Variants in RGL3 observed in about 807,000 individuals in gnomAD.
RGL3 encodes ral guanine nucleotide dissociation stimulator-like 3.
In RGL3, 85 loss-of-function variants were observed where a neutral mutation model predicts 90.6. That is an observed-to-expected ratio of 0.94 (90% CI 0.79 to 1.12). The LOEUF (loss-of-function observed/expected upper bound fraction) is 1.12, where lower values mean the gene tolerates loss of function less well. Ranked by LOEUF, RGL3 falls within the 50% of genes most tolerant of loss-of-function variation. The pLI is 0.00. For synonymous variants in RGL3, 408 were observed against 385.5 expected (o/e 1.06, Z -0.68); for missense variants, 1,034 against 939.2 (o/e 1.10, Z -1.32).
chr19:11,412,672 A>G (rs1968893515), intron 5 of RGL3, among the ~76,000 whole-genome samples: 1 of 151,966 alleles, frequency 6.6e-6, no homozygotes, highest in African/African-American at 2.4e-5. Flanking sequence ...CTGTATCTAA[A>G]AATAAAATTC....
At chr19:11,414,306 CAT>C (rs58510644) in intron 5 of RGL3, among the ~76,000 whole-genome samples, 1,397 of 48,734 alleles carry the variant, frequency 0.029, 189 homozygotes, top group African/African-American at 0.091. Context: ...CATATATATA[CAT>C]ATATATATAT....
chr19:11,410,985 G>T (rs796141462), intron 5 of RGL3, among the ~76,000 whole-genome samples: 95 of 152,176 alleles, frequency 6.2e-4, no homozygotes, highest in African/African-American at 2.2e-3. Context: ...GATGTGGGCA[G>T]ATCACTAAAG....
chr19:11,397,304 T>G lies in RGL3; in HGVS notation c.1954A>C (p.Asn652His), dbSNP rs1417577422. Residue 652 changes from asparagine (N) to histidine (H), a missense_variant, in exon 18 of 19, where the codon AAT (asparagine) becomes CAT (histidine). Coordinates refer to ENST00000380456, the MANE Select transcript of RGL3 (RefSeq NM_001035223.4). ...TCACAGGCCCAGGGCTGGGGCACAT[T>G]GTGCTTCTGCAAGGCTCGCCGGACC... The part of the protein sequence containing the change: ...SVVRRALQKH[N>H]VPQPWACDYQ... 6.2e-7 allele frequency: 1 copy of G among 1,612,626 alleles called. No homozygotes were observed. Among genetic ancestry groups the G allele is most frequent in the Non-Finnish European group, 8.5e-7 (1 of 1,179,476 alleles).
chr19:11,397,204 C>T (rs373165474), intron 18 of RGL3, 40 bp downstream of exon 18: 20 of 1,571,540 alleles, frequency 1.3e-5, no homozygotes, highest in Middle Eastern at 1.7e-4. Flanking sequence ...CTCGCCTCCC[C>T]GCTGCCCCCT....
chr19:11,418,768 C>G lies in RGL3; in HGVS notation c.50G>C (p.Trp17Ser), dbSNP rs776168969. ...KELALAPLQDWGEETEDGAVY... is the reference protein window; with the variant it reads ...KELALAPLQDSGEETEDGAVY... ...CGCGCCGTCCTCGGTCTCTTCACCC[C>G]AGTCCTGCAGCGGTGCCTGGACGCA... The change falls in exon 2 of 19, where the codon TGG becomes TCG. Residue 17 changes from tryptophan to serine, a missense_variant. Trp to Ser is a radical substitution (Grantham distance 177, BLOSUM62 -3). Coordinates refer to ENST00000380456, the MANE Select transcript of RGL3 (RefSeq NM_001035223.4). 1.9e-6 allele frequency: 3 copies of G among 1,556,798 alleles called. No individual in the cohort carries two copies. Among genetic ancestry groups the G allele is most frequent in the Admixed American group, 3.8e-5 (2 of 52,438 alleles).
intron 18 of RGL3, among the ~76,000 whole-genome samples, chr19:11,396,453 G>T (rs766415710): frequency 6.6e-6 from 1 of 151,048 alleles, no homozygotes; most frequent in Non-Finnish European, 1.5e-5. Context: ...TACAGGCGTT[G>T]AGCCACCGCA....
At position 11,406,555 on chromosome 19, in the gene RGL3, G is replaced by C. The variant is rs770650626; in HGVS notation, c.860C>G (p.Ala287Gly). ...CACGGTGGCGCGCACAGTGGGGGAG[G>C]CGCCTGCAGCCCCCGGCCGGTCCCT... ...SQRDRPGAAG[A>G]SPTVRATVAQ... The change falls in exon 7 of 19, where the codon GCC becomes GGC. Residue 287 changes from alanine to glycine, a missense_variant. By Grantham distance (60) the Ala-to-Gly change is moderately conservative. Coordinates refer to ENST00000380456, the MANE Select transcript of RGL3 (RefSeq NM_001035223.4). The C allele has an allele frequency of 3.2e-6, 5 of 1,549,956 alleles. No homozygotes were observed. Among genetic ancestry groups the C allele is most frequent in the Non-Finnish European group, 3.5e-6 (4 of 1,147,616 alleles).
chr19:11,402,538 GT>G lies in RGL3; in HGVS notation c.1245del (p.Lys415AsnfsTer60). The G allele has an allele frequency of 6.2e-7, 1 of 1,605,238 alleles. No homozygotes were observed. Among genetic ancestry groups the G allele is most frequent in the Non-Finnish European group, 8.5e-7 (1 of 1,177,484 alleles). ...AGGTAGGGGACAGGGCCTGGGGGTG[GT>G]TTCTGCAGCCCCCAAAGCTCCAGTC... ...EDNTPGSLPS[K>X]PPPGPVPYLG... On this transcript the variant is annotated frameshift_variant and splice_region_variant, in exon 11 of 19. Transcript: ENST00000380456. LOFTEE classifies it high-confidence loss of function.
intron 5 of RGL3, among the ~76,000 whole-genome samples, chr19:11,414,495 A>ATATATATATATATATATATATATATACC: frequency 2.6e-5 from 1 of 38,854 alleles, no homozygotes; most frequent in African/African-American, 9.3e-5. Flanking sequence ...ACCTTCATAT[A>ATATATATATATATATATATATATATACC]TATATATATA....
Position 11,418,654 on chromosome 19 carries a change from C to A in RGL3, c.147+17G>T, listed in dbSNP as rs1257832946. The A allele has an allele frequency of 4.6e-6, 7 of 1,533,410 alleles. No individual in the cohort carries two copies. In the Admixed American group the frequency reaches 1.4e-4, roughly 30 times the overall value. The allele number at this position is 1,533,410 out of a possible 1,614,324, so 95.0% of individuals were successfully genotyped here. On this transcript the variant is annotated intron_variant, in intron 2 of 18. Transcript: ENST00000380456. ...GTCGCTTCCGGCCCCGCGCCACCCA[C>A]CAAACCCCCTCCTCACCTGGCTGCC...
chr19:11,418,552 G>A, intron 2 of RGL3, 119 bp downstream of exon 2: 1 of 702,862 alleles, frequency 1.4e-6, no homozygotes, highest in South Asian at 2.1e-5. Context: ...TCATCTGGTC[G>A]CCTCCGAGCC....
At position 11,394,494 on chromosome 19, in the gene RGL3, C is replaced by T. The variant is rs968585798; in HGVS notation, c.2041G>A (p.Val681Ile). 2.5e-6 allele frequency: 4 copies of T among 1,613,852 alleles called. No homozygotes were observed. Among genetic ancestry groups the T allele is most frequent in the African/African-American group, 1.3e-5 (1 of 74,848 alleles). The change falls in exon 19 of 19, where the codon GTC (valine) becomes ATC (isoleucine). Residue 681 changes from valine (V) to isoleucine (I), a missense_variant. Val to Ile is a conservative substitution (Grantham distance 29). Coordinates refer to ENST00000380456, the MANE Select transcript of RGL3 (RefSeq NM_001035223.4). ...RVLLIPDNAN[V>I]FYAMSPVAPR... is the part of the protein sequence containing the mutation. ...GCGACTGGACTCATGGCATAGAAGA[C>T]GTTGGCATTGTCAGGAATCAGGAGC...
chr19:11,406,426 A>ATGCGGATCCACTTCTCCAGCCGC lies in RGL3; in HGVS notation c.966_988dup (p.Ile330SerfsTer44), dbSNP rs1384370337. 109 of 1,536,898 alleles carry ATGCGGATCCACTTCTCCAGCCGC rather than the reference A, an allele frequency of 7.1e-5. No individual in the cohort carries two copies. Among genetic ancestry groups the ATGCGGATCCACTTCTCCAGCCGC allele is most frequent in the African/African-American group, 2.3e-4 (17 of 73,114 alleles). On this transcript the variant is annotated frameshift_variant, in exon 7 of 19. Coordinates refer to ENST00000380456, the MANE Select transcript of RGL3 (RefSeq NM_001035223.4). LOFTEE classifies it high-confidence loss of function. ...TCCGCGCCCGCAACACACCTGGGCG[A>ATGCGGATCCACTTCTCCAGCCGC]TGCGGATCCACTTCTCCAGCCGCTG...
intron 5 of RGL3, among the ~76,000 whole-genome samples, chr19:11,410,337 G>A (rs374348154): frequency 2.0e-5 from 3 of 151,710 alleles, no homozygotes; most frequent in East Asian, 3.9e-4. Context: ...TTGTAAATCT[G>A]TGTAATTACC....
Position 11,402,119 on chromosome 19 carries a change from A to T in RGL3, c.1376T>A (p.Leu459Gln). Residue 459 changes from leucine (L) to glutamine (Q), a missense_variant, in exon 13 of 19, where the codon CTG becomes CAG. Coordinates refer to ENST00000380456, the MANE Select transcript of RGL3 (RefSeq NM_001035223.4). The part of the protein sequence containing the change: ...FEKRRKEWEI[L>Q]ARIQQLQRRC... ...CCTCTGCAGCTGCTGGATGCGGGCC[A>T]GGATCTCCCACTCCTGGAGGACGAG... 6.2e-7 allele frequency: 1 copy of T among 1,607,506 alleles called. No homozygotes were observed. The highest frequency in any genetic ancestry group is 1.8e-4 in the Middle Eastern group (1 of 5,556).
intron 13 of RGL3, 101 bp downstream of exon 13, chr19:11,401,910 G>C (rs1968681948): frequency 1.4e-6 from 2 of 1,415,896 alleles, no homozygotes; most frequent in South Asian, 3.0e-5. Flanking sequence ...GCTCAAGAGG[G>C]GGTCTTGGGA....
At position 11,416,845 on chromosome 19, in the gene RGL3, G is replaced by A. The variant is rs779413344; in HGVS notation, c.362C>T (p.Pro121Leu). 22 of 1,613,584 alleles carry A rather than the reference G, an allele frequency of 1.4e-5. No homozygotes were observed. The East Asian group carries it at 3.3e-4, about 25-fold the overall frequency. ...GFLLPPMPPP[P>L]PPGVEIKKTA... ...ATGGTTCGCTACTGACCCGGGAGGTGGGGGCGGTGGCATTGGTGGCAGCAG... is the reference window on the plus strand; with the variant it reads ...ATGGTTCGCTACTGACCCGGGAGGTAGGGGCGGTGGCATTGGTGGCAGCAG... Residue 121 changes from proline to leucine, a missense_variant, in exon 3 of 19, where the codon CCA (proline) becomes CTA (leucine). Physicochemically the swap from Pro to Leu is moderately conservative, Grantham distance 98 (BLOSUM62 -3). Transcript: ENST00000380456.
At chr19:11,394,628 GTCCCT>G (rs1743150099) in intron 18 of RGL3, 108 bp from the exon 19 acceptor site, 11 of 786,048 alleles carry the variant, frequency 1.4e-5, no homozygotes, top group Non-Finnish European at 2.4e-5. Flanking sequence ...ACAGCCATGG[GTCCCT>G]CTGCAGCTAC....
At position 11,400,095 on chromosome 19, in the gene RGL3, C is replaced by T. The variant is rs1252063231; in HGVS notation, c.1594G>A (p.Glu532Lys). Reference protein sequence around the residue: ...TKRLSAKLAREKSSSPSGSPG... With the variant: ...TKRLSAKLARKKSSSPSGSPG... ...CTCCCACTAGGTGATGAGCTTTTCT[C>T]TCGGGCAAGCTTCCTAAGGATGGGG... is the stretch of plus-strand genomic sequence containing the variant. Residue 532 changes from glutamate (E) to lysine (K), a missense_variant, in exon 15 of 19, where the codon GAG becomes AAG. By Grantham distance (56) the Glu-to-Lys change is moderately conservative. Transcript: ENST00000380456. The T allele has an allele frequency of 1.2e-6, 2 of 1,608,858 alleles. No homozygotes were observed. The highest frequency in any genetic ancestry group is 2.7e-5 in the African/African-American group (2 of 74,682).
Sources: gnomAD v4.1 joint callset for allele counts (sites outside exome capture counted in the v4.1 genomes callset) on GRCh38, gnomAD v4.1.1 for gene constraint, MANE v1.5 for transcripts, NCBI Gene and HGNC (gene_info 2026-07-23, HGNC 2026-07-21) for gene names.